Variants in SDK2 observed in about 807,000 individuals in gnomAD.
SDK2 encodes the protein sidekick cell adhesion molecule 2, also known as protein sidekick-2.
Under a neutral mutation model 253.9 loss-of-function variants are expected in SDK2, and 105 were observed. That is an observed-to-expected ratio of 0.41 (90% CI 0.35 to 0.49). The LOEUF (loss-of-function observed/expected upper bound fraction) is 0.49, where lower values mean the gene tolerates loss of function less well. Ranked by LOEUF, SDK2 falls within the 20% of genes least tolerant of loss-of-function variation. The pLI, the probability that SDK2 is intolerant of heterozygous loss-of-function variation, is 0.06. For missense variants in SDK2, 2,608 were observed against 3,003.0 expected (o/e 0.87, Z 3.07); for synonymous variants, 1,249 against 1,234.9 (o/e 1.01, Z -0.24).
intron 1 of SDK2, among the ~76,000 whole-genome samples, chr17:73,510,578 C>T (rs2063972493): frequency 6.6e-6 from 1 of 152,188 alleles, no homozygotes; most frequent in South Asian, 2.1e-4. Context: ...TGGCTCACCG[C>T]AGCCTCGACC....
At chr17:73,550,394 C>T (rs557837228) in intron 1 of SDK2, among the ~76,000 whole-genome samples, 1 of 152,156 alleles carries the variant, frequency 6.6e-6, no homozygotes, top group East Asian at 1.9e-4. Flanking sequence ...CAATTACTGC[C>T]AAAATGAGAA....
intron 16 of SDK2, 148 bp downstream of exon 16, chr17:73,419,018 A>G (rs2063205546): frequency 1.2e-6 from 1 of 840,678 alleles, no homozygotes; most frequent in Non-Finnish European, 1.8e-6. Flanking sequence ...AATCCTTCCT[A>G]CCACTGAGTA....
intron 18 of SDK2, among the ~76,000 whole-genome samples, chr17:73,406,563 A>G (rs1483780213): frequency 6.6e-6 from 1 of 152,112 alleles, no homozygotes; most frequent in Non-Finnish European, 1.5e-5. Flanking sequence ...ACTTGTTTAT[A>G]TTAAAAAAAT....
At chr17:73,450,692 TG>T (rs2063484821) in intron 4 of SDK2, among the ~76,000 whole-genome samples, 1 of 152,220 alleles carries the variant, frequency 6.6e-6, no homozygotes, top group African/African-American at 2.4e-5. Flanking sequence ...TCAAGCTTTC[TG>T]GGTCAGTGGT....
At chr17:73,470,904 A>G (rs371944257) in intron 3 of SDK2, among the ~76,000 whole-genome samples, 49 of 152,256 alleles carry the variant, frequency 3.2e-4, no homozygotes, top group Admixed American at 1.4e-3. Flanking sequence ...ACAGCCCATA[A>G]TGAGCCTCAT....
At chr17:73,472,899 C>T (rs183363843) in intron 2 of SDK2, among the ~76,000 whole-genome samples, 67 of 152,308 alleles carry the variant, frequency 4.4e-4, no homozygotes, top group Non-Finnish European at 7.5e-4. Context: ...TGCCTTCTGC[C>T]ATCCATGTAA....
rs1267334539 is a variant in SDK2 at position 73,380,958 on chromosome 17, G to T, written c.4706-8C>A. ...TCCGCATGGAGTACATGGCTATGGG[G>T]TGGGGGTGCCGGGGCGGGGGCGCAG... On this transcript the variant is annotated splice_region_variant and splice_polypyrimidine_tract_variant and intron_variant, in intron 33 of 44. Transcript: ENST00000392650. 1.9e-6 allele frequency: 3 copies of T among 1,544,338 alleles called. No homozygotes were observed. Among genetic ancestry groups the T allele is most frequent in the East Asian group, 2.4e-5 (1 of 41,610 alleles).
At chr17:73,390,565 C>CATGT in intron 28 of SDK2, 84 bp from the exon 29 acceptor site, 1 of 1,382,812 alleles carries the variant, frequency 7.2e-7, no homozygotes, top group Admixed American at 2.2e-5. Context: ...CGTCCAAAGC[C>CATGT]ACAGCTGTGT....
chr17:73,447,811 G>A lies in SDK2; in HGVS notation c.480-63C>T, dbSNP rs7208214. On this transcript the variant is annotated intron_variant, in intron 4 of 44. Coordinates refer to ENST00000392650, the MANE Select transcript of SDK2 (RefSeq NM_001144952.2). This position sits in a 1 kb window ranked among gnomAD's most constrained non-coding sequence, Gnocchi z 4.0. The stretch of plus-strand genomic sequence containing the variant: ...AGGGGCTCTGAACCTCCAGGGAGTG[G>A]GAGTGGAAACCCTAAGGGGGAAGCC... The A allele has an allele frequency of 3.0e-3, 4,675 of 1,544,988 alleles. 110 individuals are homozygous for A. In the African/African-American group the frequency reaches 0.057, roughly 19 times the overall value.
chr17:73,361,758 C>T lies in SDK2; in HGVS notation c.5393G>A (p.Arg1798Lys), dbSNP rs1487227023. The T allele has an allele frequency of 6.2e-7, 1 of 1,613,572 alleles. No homozygotes were observed. Among genetic ancestry groups the T allele is most frequent in the Non-Finnish European group, 8.5e-7 (1 of 1,179,696 alleles). The change falls in exon 39 of 45, where the codon AGG (arginine) becomes AAG (lysine). Residue 1798 changes from arginine (R) to lysine (K), a missense_variant. By Grantham distance (26) the Arg-to-Lys change is conservative (BLOSUM62 2). Around this residue, in one of 2 missense-constraint regions of SDK2, gnomAD observed 1,103 missense variants for 1,143.9 expected, o/e 0.96. Coordinates refer to ENST00000392650, the MANE Select transcript of SDK2 (RefSeq NM_001144952.2). The surrounding 1 kb of genome is among the most constrained non-coding windows in gnomAD (Gnocchi z 4.1). ...VKDLAEGVTYRFRIRAKTFTY... is the reference protein window; with the variant it reads ...VKDLAEGVTYKFRIRAKTFTY... ...GAAGGTCTTGGCTCTGATGCGGAAC[C>T]TGTAGGTCACCCCCTCCGCCAGGTC...
intron 44 of SDK2, among the ~76,000 whole-genome samples, chr17:73,345,315 A>C (rs1478833926): frequency 6.6e-6 from 1 of 151,708 alleles, no homozygotes; most frequent in African/African-American, 2.4e-5. Context: ...GCGAGACTTC[A>C]TTTCAAAAAA....
intron 4 of SDK2, among the ~76,000 whole-genome samples, chr17:73,449,711 G>A (rs777773856): frequency 4.6e-5 from 7 of 151,456 alleles, no homozygotes; most frequent in East Asian, 1.9e-4. Context: ...ACCTGAGGTC[G>A]GGGGTTCGAG....
intron 1 of SDK2, among the ~76,000 whole-genome samples, chr17:73,599,779 T>A (rs1396118844): frequency 1.3e-5 from 2 of 152,126 alleles, no homozygotes; most frequent in East Asian, 3.9e-4. Flanking sequence ...TGTGCCACAG[T>A]CCTTGCCAGG....
intron 1 of SDK2, among the ~76,000 whole-genome samples, chr17:73,564,064 G>A (rs2045277107): frequency 6.6e-6 from 1 of 152,176 alleles, no homozygotes; most frequent in Non-Finnish European, 1.5e-5. Context: ...ATGAGCCGCT[G>A]TGCCCAGCCC....
chr17:73,639,904 G>A lies in SDK2; in HGVS notation c.64+4121C>T, dbSNP rs1230822094. Among the ~76,000 whole-genome samples, 1 of 152,168 alleles carries A rather than the reference G, an allele frequency of 6.6e-6. No individual in the cohort carries two copies. The highest frequency in any genetic ancestry group is 1.5e-5 in the Non-Finnish European group (1 of 68,040). On this transcript the variant is annotated intron_variant, in intron 1 of 44. Transcript: ENST00000392650. The surrounding 1 kb of genome is among the most constrained non-coding windows in gnomAD (Gnocchi z 4.3). Reference sequence around the variant, plus strand: ...CAGAGACCAGATGGCCTTGTGGGCAGACGACGGTCCTAGATGACTTTTCGT... The same window carrying A: ...CAGAGACCAGATGGCCTTGTGGGCAAACGACGGTCCTAGATGACTTTTCGT...
intron 1 of SDK2, among the ~76,000 whole-genome samples, chr17:73,595,375 G>A (rs2045742445): frequency 6.6e-6 from 1 of 152,174 alleles, no homozygotes; most frequent in East Asian, 1.9e-4. Context: ...CAGATTGAGG[G>A]GGTGTCCCAA....
rs1253476575 is a variant in SDK2 at position 73,534,314 on chromosome 17, T to C, written c.65-26717A>G. ...GGGAAGGGGAGTGGCATTAAATAGC[T>C]GGCGGCAGGGAGACACAGCTGTCCA... On this transcript the variant is annotated intron_variant, in intron 1 of 44. Coordinates refer to ENST00000392650, the MANE Select transcript of SDK2 (RefSeq NM_001144952.2). The surrounding 1 kb of genome is among the most constrained non-coding windows in gnomAD (Gnocchi z 4.9). Among the ~76,000 whole-genome samples the C allele has an allele frequency of 6.6e-6, 1 of 152,102 alleles. No individual in the cohort carries two copies. Among genetic ancestry groups the C allele is most frequent in the Non-Finnish European group, 1.5e-5 (1 of 68,036 alleles).
intron 40 of SDK2, among the ~76,000 whole-genome samples, chr17:73,353,959 C>A (rs1296096013): frequency 1.3e-5 from 2 of 152,120 alleles, no homozygotes; most frequent in Non-Finnish European, 2.9e-5. Context: ...CCTGCCTTGG[C>A]CTCCCAAAGA....
rs1037817170 is a variant in SDK2 at position 73,639,248 on chromosome 17, G to C, written c.64+4777C>G. Among the ~76,000 whole-genome samples, 1 of 152,158 alleles carries C rather than the reference G, an allele frequency of 6.6e-6. No individual in the cohort carries two copies. Among genetic ancestry groups the C allele is most frequent in the Non-Finnish European group, 1.5e-5 (1 of 68,022 alleles). On this transcript the variant is annotated intron_variant, in intron 1 of 44. Transcript: ENST00000392650. This position sits in a 1 kb window ranked among gnomAD's most constrained non-coding sequence, Gnocchi z 4.3. ...CCATTCACCACGTCTGCAGGAGAAGGGTCTCCCCAGGGCTCCCTGGGCTCA... is the reference window on the plus strand; with the variant it reads ...CCATTCACCACGTCTGCAGGAGAAGCGTCTCCCCAGGGCTCCCTGGGCTCA...
Sources: allele counts gnomAD v4.1 joint callset (sites outside exome capture counted in the v4.1 genomes callset), GRCh38; gene constraint gnomAD v4.1.1; regional missense constraint gnomAD v4.1.1; non-coding constraint Gnocchi (gnomAD v3.1); transcripts MANE v1.5; gene names NCBI Gene and HGNC (gene_info 2026-07-23, HGNC 2026-07-21).